The following LHFPL6 variants were observed in gnomAD, a reference collection of about 807,000 sequenced individuals.
LHFPL6 encodes LHFPL tetraspan subfamily member 6 protein.
A neutral mutation model predicts 20.6 loss-of-function variants in LHFPL6; 9 were observed. That is an observed-to-expected ratio of 0.44 (90% confidence interval 0.26 to 0.76). The LOEUF (loss-of-function observed/expected upper bound fraction) is 0.76, where lower values mean the gene tolerates loss of function less well. Among genes scored for constraint, LHFPL6 ranks in the 30% least tolerant of loss-of-function variants. The pLI is 0.20. For missense variants in LHFPL6, 218 were observed against 253.5 expected, an observed-to-expected ratio of 0.86 and a Z score of 0.95; for synonymous variants, 105 against 98.7, an observed-to-expected ratio of 1.06 and a Z score of -0.38.
chr13:39,557,527 G>T (rs1486625448), intron 2 of LHFPL6, among the ~76,000 whole-genome samples: 3 of 152,264 alleles, frequency 2.0e-5, no homozygotes, highest in African/African-American at 7.2e-5. Flanking sequence ...TAGTGGAGCT[G>T]TGGCAAGGGG....
At chr13:39,403,771 G>A (rs746534589) in intron 2 of LHFPL6, among the ~76,000 whole-genome samples, 3 of 152,186 alleles carry the variant, frequency 2.0e-5, no homozygotes, top group Non-Finnish European at 4.4e-5. Context: ...GTATGTGCAT[G>A]GGTAAAAATA....
intron 2 of LHFPL6, among the ~76,000 whole-genome samples, chr13:39,527,691 A>G (rs1870337642): frequency 6.6e-6 from 1 of 151,778 alleles, no homozygotes; most frequent in Admixed American, 6.6e-5. Context: ...CTGGTTATAT[A>G]CTCATCATTT....
intron 2 of LHFPL6, among the ~76,000 whole-genome samples, chr13:39,448,319 T>C (rs115050778): frequency 0.01 from 1,573 of 152,266 alleles, 24 homozygotes; most frequent in African/African-American, 0.036. Context: ...ACAAATACAT[T>C]ATGGAACACG....
chr13:39,401,248 T>G (rs1162188519), intron 2 of LHFPL6, among the ~76,000 whole-genome samples: 4 of 152,258 alleles, frequency 2.6e-5, no homozygotes, highest in Non-Finnish European at 4.4e-5. Flanking sequence ...CAAAGTCATT[T>G]GCATGAACCT....
chr13:39,586,773 A>C (rs1355905196), intron 2 of LHFPL6, among the ~76,000 whole-genome samples: 1 of 152,186 alleles, frequency 6.6e-6, no homozygotes, highest in Non-Finnish European at 1.5e-5. Context: ...GGTGTTCCCC[A>C]AGCCAATCCT....
chr13:39,573,934 C>G (rs1872017031), intron 2 of LHFPL6, among the ~76,000 whole-genome samples: 1 of 152,052 alleles, frequency 6.6e-6, no homozygotes, highest in African/African-American at 2.4e-5. Flanking sequence ...CATACGGGTC[C>G]AAGGCACCTT....
chr13:39,357,931 A>G (rs1478338805), intron 3 of LHFPL6, among the ~76,000 whole-genome samples: 1 of 152,174 alleles, frequency 6.6e-6, no homozygotes, highest in African/African-American at 2.4e-5. Context: ...TAATATCAAT[A>G]TCATTAAAAT....
At chr13:39,537,193 G>A (rs9576841) in intron 2 of LHFPL6, among the ~76,000 whole-genome samples, 6,059 of 152,200 alleles carry the variant, frequency 0.04, 321 homozygotes, top group African/African-American at 0.12. Flanking sequence ...TCCTGCCTGA[G>A]AATAATGGAA....
chr13:39,510,860 T>C (rs1161445726), intron 2 of LHFPL6, among the ~76,000 whole-genome samples: 1 of 137,832 alleles, frequency 7.3e-6, no homozygotes, highest in Non-Finnish European at 1.5e-5. Flanking sequence ...GTATTTGTAA[T>C]CATTACTTTA....
At chr13:39,521,107 AG>A (rs772508984) in intron 2 of LHFPL6, among the ~76,000 whole-genome samples, 1 of 152,192 alleles carries the variant, frequency 6.6e-6, no homozygotes, top group Non-Finnish European at 1.5e-5. Context: ...CTTTTAACAT[AG>A]GTCCTACCTT....
chr13:39,548,493 A>G (rs1871046905), intron 2 of LHFPL6, among the ~76,000 whole-genome samples: 1 of 152,100 alleles, frequency 6.6e-6, no homozygotes, highest in African/African-American at 2.4e-5. Flanking sequence ...GGCATGGGAC[A>G]CATGGAGATC....
rs577328351 is a variant in LHFPL6, at chr13:39,515,317, T to C, written c.385+85515A>G. Among the ~76,000 whole-genome samples, 25 of 152,296 alleles carry C rather than the reference T, an allele frequency of 1.6e-4. No individual in the cohort carries two copies. The South Asian group carries it at 5.0e-3, about 30-fold the overall frequency. ...CCACTTTCCCATCAAGGGTTGAGGA[T>C]TTTTTCATGAAAGAAAATAAAGCTT... On this transcript the variant is annotated intron_variant, in intron 2 of 3. Coordinates refer to ENST00000379589, the MANE Select transcript of LHFPL6 (RefSeq NM_005780.3).
chr13:39,570,612 T>A (rs1285103508), intron 2 of LHFPL6, among the ~76,000 whole-genome samples: 1 of 151,130 alleles, frequency 6.6e-6, no homozygotes. Context: ...ATATATAGAA[T>A]GATAATCAAA....
chr13:39,549,479 A>G (rs914325256), intron 2 of LHFPL6, among the ~76,000 whole-genome samples: 4 of 152,144 alleles, frequency 2.6e-5, no homozygotes, highest in South Asian at 2.1e-4. Context: ...ACCATTATAC[A>G]TAGATAAGAA....
chr13:39,562,773 T>C (rs1279419931), intron 2 of LHFPL6, among the ~76,000 whole-genome samples: 1 of 150,722 alleles, frequency 6.6e-6, no homozygotes, highest in African/African-American at 2.4e-5. Flanking sequence ...ACCCAACCAA[T>C]AGCACCTGCT....
chr13:39,430,844 G>A (rs1030569835), intron 2 of LHFPL6, among the ~76,000 whole-genome samples: 3 of 152,154 alleles, frequency 2.0e-5, no homozygotes, highest in East Asian at 1.9e-4. Flanking sequence ...CAGGACATGC[G>A]CAGGATCAAA....
chr13:39,403,670 T>G (rs1341741255), intron 2 of LHFPL6, among the ~76,000 whole-genome samples: 1 of 152,164 alleles, frequency 6.6e-6, no homozygotes, highest in South Asian at 2.1e-4. Context: ...AACATCAACA[T>G]TAGATTTTTA....
chr13:39,466,046 C>T (rs1221860779), intron 2 of LHFPL6, among the ~76,000 whole-genome samples: 3 of 152,106 alleles, frequency 2.0e-5, no homozygotes, highest in Non-Finnish European at 4.4e-5. Context: ...GAAAATCACT[C>T]CCTTCTTGAA....
Position 39,440,664 on chromosome 13 carries a change from A to G in LHFPL6, c.386-62138T>C, listed in dbSNP as rs1012058974. Among the ~76,000 whole-genome samples, 8 of 152,052 alleles carry G rather than the reference A, an allele frequency of 5.3e-5. No homozygotes were observed. In the East Asian group the frequency reaches 1.6e-3, roughly 30 times the overall value. On this transcript the variant is annotated intron_variant, in intron 2 of 3. Coordinates refer to ENST00000379589, the MANE Select transcript of LHFPL6 (RefSeq NM_005780.3). Reference sequence around the variant, plus strand: ...CACTCAGGCTGAAGAGCAGTGGTGCACTCATGGCTCACTGCAGCCTTCACC... The same window carrying G: ...CACTCAGGCTGAAGAGCAGTGGTGCGCTCATGGCTCACTGCAGCCTTCACC...
Sources: gnomAD v4.1 joint callset for allele counts (sites outside exome capture counted in the v4.1 genomes callset) on GRCh38, gnomAD v4.1.1 for gene constraint, MANE v1.5 for transcripts, NCBI Gene and HGNC (gene_info 2026-07-23, HGNC 2026-07-21) for gene names.